HPCAL1: variants seen among roughly 807,000 people sequenced by gnomAD.
The protein encoded by HPCAL1 is hippocalcin-like protein 1.
In HPCAL1, 8 loss-of-function variants were observed where a neutral mutation model predicts 17.1. The ratio of observed to expected loss-of-function variants is 0.47; its 90% CI spans 0.27 to 0.84. The LOEUF (loss-of-function observed/expected upper bound fraction) is 0.84. HPCAL1 is among the 40% of genes least tolerant of loss of function. The pLI is 0.13. For missense variants in HPCAL1, 165 were observed against 271.1 expected (o/e 0.61, Z 2.75); for synonymous variants, 112 against 111.4 (o/e 1.01, Z -0.03).
intron 1 of HPCAL1, among the ~76,000 whole-genome samples, chr2:10,353,954 C>A (rs560594839): frequency 6.6e-6 from 1 of 152,330 alleles, no homozygotes; most frequent in South Asian, 2.1e-4. Context: ...CTGCTGACCC[C>A]TGGTCTAGAA....
intron 1 of HPCAL1, among the ~76,000 whole-genome samples, chr2:10,334,212 G>C (rs978553682): frequency 2.6e-5 from 4 of 152,206 alleles, no homozygotes. Context: ...GCCCAGGCAT[G>C]GTGGCTCACG....
chr2:10,414,365 AGGTGTTGGCAGGGTTG>A (rs367549128), intron 2 of HPCAL1, among the ~76,000 whole-genome samples: 6,415 of 152,088 alleles, frequency 0.042, 148 homozygotes, highest in Middle Eastern at 0.1. Context: ...CAGAAGTCCA[AGGTGTTGGCAGGGTTG>A]GGTGTTGGCA....
intron 1 of HPCAL1, among the ~76,000 whole-genome samples, chr2:10,328,729 C>T (rs1019603250): frequency 2.6e-5 from 4 of 152,096 alleles, no homozygotes; most frequent in African/African-American, 9.7e-5. Flanking sequence ...TGAACCAATT[C>T]CTCATAATAC....
intron 1 of HPCAL1, among the ~76,000 whole-genome samples, chr2:10,361,925 C>T (rs1666552075): frequency 6.6e-6 from 1 of 152,136 alleles, no homozygotes; most frequent in African/African-American, 2.4e-5. Context: ...TCATGTTGGC[C>T]TCAGACTCCT....
intron 1 of HPCAL1, among the ~76,000 whole-genome samples, chr2:10,306,043 C>T (rs915694178): frequency 6.6e-6 from 1 of 152,190 alleles, no homozygotes; most frequent in African/African-American, 2.4e-5. Flanking sequence ...TTCTAAGACC[C>T]TTTTTGCTAC....
intron 2 of HPCAL1, among the ~76,000 whole-genome samples, chr2:10,410,355 G>A (rs576509505): frequency 6.6e-6 from 1 of 151,274 alleles, no homozygotes; most frequent in East Asian, 1.9e-4. Context: ...AGGCAATACC[G>A]ACTCTGGGTT....
rs745360989 is a variant in HPCAL1 at position 10,331,713 on chromosome 2, C to T, written c.-111+28536C>T. ...CTCTTCCCCCGCATGCATCTTTCTCCCCGTCTGGCATGGTGTTTCTAGTCT... is the reference window on the plus strand; with the variant it reads ...CTCTTCCCCCGCATGCATCTTTCTCTCCGTCTGGCATGGTGTTTCTAGTCT... On this transcript the variant is annotated intron_variant, in intron 1 of 4. Transcript: ENST00000307845. This position sits in a 1 kb window ranked among gnomAD's most constrained non-coding sequence, Gnocchi z 5.0. Among the ~76,000 whole-genome samples the T allele has an allele frequency of 1.1e-4, 16 of 152,186 alleles. No homozygotes were observed. Among genetic ancestry groups the T allele is most frequent in the Non-Finnish European group, 2.1e-4 (14 of 68,044 alleles).
chr2:10,401,646 C>T (rs1347383444), intron 2 of HPCAL1, among the ~76,000 whole-genome samples: 1 of 152,160 alleles, frequency 6.6e-6, no homozygotes, highest in Non-Finnish European at 1.5e-5. Context: ...TCCTGCCTCT[C>T]GTCAAACAAT....
At chr2:10,332,849 C>T (rs144773113) in intron 1 of HPCAL1, among the ~76,000 whole-genome samples, 7 of 152,144 alleles carry the variant, frequency 4.6e-5, no homozygotes, top group South Asian at 4.1e-4. Context: ...ATGTGAAGGG[C>T]GTGAGAGGCT....
intron 1 of HPCAL1, among the ~76,000 whole-genome samples, chr2:10,366,090 G>A (rs944334175): frequency 8.5e-5 from 13 of 152,258 alleles, no homozygotes; most frequent in South Asian, 6.2e-4. Context: ...CTCCTGGACC[G>A]CCCATTCCCT....
rs757763608 is a variant in HPCAL1 at position 10,359,015 on chromosome 2, G to T, written c.-110-37820G>T. Among the ~76,000 whole-genome samples, 1 of 146,758 alleles carries T rather than the reference G, an allele frequency of 6.8e-6. No individual in the cohort carries two copies. Among genetic ancestry groups the T allele is most frequent in the South Asian group, 2.1e-4 (1 of 4,766 alleles). ...GGGGTTGGAGCCCCACAGCCTGCCCGTCTGCATGCTCCCCTTGAGGTTTGA... is the reference window on the plus strand; with the variant it reads ...GGGGTTGGAGCCCCACAGCCTGCCCTTCTGCATGCTCCCCTTGAGGTTTGA... On this transcript the variant is annotated intron_variant, in intron 1 of 4. Coordinates refer to ENST00000307845, the MANE Select transcript of HPCAL1 (RefSeq NM_002149.4). This position sits in a 1 kb window ranked among gnomAD's most constrained non-coding sequence, Gnocchi z 4.1.
intron 2 of HPCAL1, among the ~76,000 whole-genome samples, chr2:10,402,365 G>T (rs1457552633): frequency 6.6e-6 from 1 of 152,216 alleles, no homozygotes; most frequent in African/African-American, 2.4e-5. Context: ...ATTACACTTT[G>T]TGTGTATGGG....
At chr2:10,408,407 C>G (rs876615) in intron 2 of HPCAL1, among the ~76,000 whole-genome samples, 52,029 of 152,022 alleles carry the variant, frequency 0.34, 9,135 homozygotes, top group South Asian at 0.45. Context: ...CCTGGAGCCC[C>G]TCCAGTGGGT....
chr2:10,373,424 C>T (rs1667352702), intron 1 of HPCAL1, among the ~76,000 whole-genome samples: 1 of 152,132 alleles, frequency 6.6e-6, no homozygotes, highest in Non-Finnish European at 1.5e-5. Flanking sequence ...GCATCGGCAT[C>T]ATCAGATCAT....
intron 1 of HPCAL1, among the ~76,000 whole-genome samples, chr2:10,322,276 G>A (rs1257638917): frequency 6.6e-6 from 1 of 152,162 alleles, no homozygotes; most frequent in East Asian, 1.9e-4. Flanking sequence ...TCCCAAGTTA[G>A]CCTTATAAAG....
chr2:10,368,944 G>T (rs569341909), intron 1 of HPCAL1: 12 of 152,332 alleles, frequency 7.9e-5, no homozygotes, highest in African/African-American at 2.9e-4. Flanking sequence ...CATCTAAACC[G>T]AGTGGGGAGG....
intron 2 of HPCAL1, among the ~76,000 whole-genome samples, chr2:10,398,706 C>T (rs751378464): frequency 5.3e-5 from 8 of 152,108 alleles, no homozygotes; most frequent in Admixed American, 2.6e-4. Context: ...ATCTGCATCC[C>T]GTGGGTGGGG....
chr2:10,391,894 G>T (rs770247703), intron 1 of HPCAL1, among the ~76,000 whole-genome samples: 1 of 151,746 alleles, frequency 6.6e-6, no homozygotes, highest in East Asian at 1.9e-4. Context: ...GATTACAGGC[G>T]CGTGCCACCA....
intron 2 of HPCAL1, among the ~76,000 whole-genome samples, chr2:10,414,849 C>G (rs1345114694): frequency 1.3e-5 from 2 of 152,228 alleles, no homozygotes; most frequent in African/African-American, 4.8e-5. Context: ...AGCCTTCTCA[C>G]GTACTGGTCC....
Sources: allele counts gnomAD v4.1 joint callset (sites outside exome capture counted in the v4.1 genomes callset), GRCh38; gene constraint gnomAD v4.1.1; non-coding constraint Gnocchi (gnomAD v3.1); transcripts MANE v1.5; gene names NCBI Gene and HGNC (gene_info 2026-07-23, HGNC 2026-07-21).